WWOX: variants seen among roughly 807,000 people sequenced by gnomAD.
WWOX encodes WW domain containing oxidoreductase, also known as WW domain-containing oxidoreductase.
A neutral mutation model predicts 46.2 loss-of-function variants in WWOX; 69 were observed. That is an observed-to-expected ratio of 1.49 (90% CI 1.23 to 1.82). The LOEUF (loss-of-function observed/expected upper bound fraction) is 1.82. WWOX is among the 40% of genes most tolerant of loss of function. The probability of loss-of-function intolerance (pLI) is 0.00; values close to 1 mark genes in which losing one functional copy is unlikely to be tolerated. For synonymous variants in WWOX, 359 were observed against 202.6 expected, an observed-to-expected ratio of 1.77 and a Z score of -6.56; for missense variants, 919 against 542.6, an observed-to-expected ratio of 1.69 and a Z score of -6.89.
rs944358616 is a variant in WWOX, at chr16:78,498,698, T to G, written c.1056+65946T>G. Among the ~76,000 whole-genome samples, 33 of 152,226 alleles carry G rather than the reference T, an allele frequency of 2.2e-4. 1 individual carries two copies. On this transcript the variant is annotated intron_variant, in intron 8 of 8. Transcript: ENST00000566780. The stretch of plus-strand genomic sequence containing the variant: ...TTAGGCCGATTCCCCATTCTCTCTT[T>G]CTGTTTTTAAACAGAGACAGATCTT...
chr16:78,581,539 A>C (rs1238489296), intron 8 of WWOX, among the ~76,000 whole-genome samples: 1 of 152,170 alleles, frequency 6.6e-6, no homozygotes, highest in Non-Finnish European at 1.5e-5. Flanking sequence ...TTACACGTTA[A>C]TGGTAATGAT....
chr16:78,654,314 A>G (rs2047033116), intron 8 of WWOX, among the ~76,000 whole-genome samples: 1 of 152,232 alleles, frequency 6.6e-6, no homozygotes, highest in Admixed American at 6.5e-5. Flanking sequence ...CTTTGTAAAA[A>G]TATAAAATAA....
chr16:78,755,924 GAGA>G (rs771619636), intron 8 of WWOX, among the ~76,000 whole-genome samples: 1 of 152,132 alleles, frequency 6.6e-6, no homozygotes, highest in Middle Eastern at 3.2e-3. Flanking sequence ...ACGCTATGAT[GAGA>G]AGAACATATG....
chr16:79,061,094 A>G (rs2048349779), intron 8 of WWOX, among the ~76,000 whole-genome samples: 1 of 152,188 alleles, frequency 6.6e-6, no homozygotes, highest in Admixed American at 6.5e-5. Flanking sequence ...CTTGAACGCA[A>G]GAGAGGTACA....
intron 8 of WWOX, among the ~76,000 whole-genome samples, chr16:78,711,865 T>A (rs2048451251): frequency 6.6e-6 from 1 of 152,178 alleles, no homozygotes; most frequent in Non-Finnish European, 1.5e-5. Context: ...AAACACATCT[T>A]ACAAATTCCC....
intron 8 of WWOX, among the ~76,000 whole-genome samples, chr16:78,585,864 G>A (rs553020865): frequency 1.3e-5 from 2 of 151,774 alleles, no homozygotes; most frequent in South Asian, 2.1e-4. Flanking sequence ...ATCTTTTATT[G>A]TCTTGTTCTC....
At chr16:78,529,724 C>G (rs935222816) in intron 8 of WWOX, among the ~76,000 whole-genome samples, 1 of 152,114 alleles carries the variant, frequency 6.6e-6, no homozygotes, top group Non-Finnish European at 1.5e-5. Flanking sequence ...ACCTCGGCCT[C>G]CCAAAGTGCT....
At chr16:78,584,634 A>T (rs570924675) in intron 8 of WWOX, among the ~76,000 whole-genome samples, 1 of 152,320 alleles carries the variant, frequency 6.6e-6, no homozygotes, top group East Asian at 1.9e-4. Flanking sequence ...CAGAGGACAT[A>T]TTCTGTTCTA....
At chr16:78,741,790 G>C (rs781008090) in intron 8 of WWOX, among the ~76,000 whole-genome samples, 5 of 152,202 alleles carry the variant, frequency 3.3e-5, no homozygotes, top group Non-Finnish European at 7.3e-5. Context: ...AGGAGACGGA[G>C]GTTGCAGTGA....
chr16:78,404,686 C>A (rs575112856), intron 6 of WWOX, among the ~76,000 whole-genome samples: 2 of 152,250 alleles, frequency 1.3e-5, no homozygotes, highest in African/African-American at 4.8e-5. Context: ...TACGTCTTTT[C>A]CATCCAAGGG....
intron 5 of WWOX, among the ~76,000 whole-genome samples, chr16:78,170,939 G>A (rs1458217576): frequency 6.6e-6 from 1 of 152,260 alleles, no homozygotes; most frequent in Non-Finnish European, 1.5e-5. Flanking sequence ...GTTTGCTGCT[G>A]AAGTGCTGTA....
At chr16:78,487,429 AGG>A (rs1453587784) in intron 8 of WWOX, among the ~76,000 whole-genome samples, 2 of 152,204 alleles carry the variant, frequency 1.3e-5, no homozygotes, top group African/African-American at 4.8e-5. Context: ...ACAAGTTTGA[AGG>A]GAGTCTCTTA....
At chr16:78,527,632 A>T (rs891689237) in intron 8 of WWOX, among the ~76,000 whole-genome samples, 3 of 152,120 alleles carry the variant, frequency 2.0e-5, no homozygotes, top group Non-Finnish European at 4.4e-5. Flanking sequence ...ACATTTAACC[A>T]TGTATGTGTC....
chr16:78,102,456 T>C, intron 1 of WWOX, among the ~76,000 whole-genome samples: 1 of 152,252 alleles, frequency 6.6e-6, no homozygotes, highest in African/African-American at 2.4e-5. Context: ...TTGTGAATTC[T>C]GGAAGAATTT....
intron 8 of WWOX, among the ~76,000 whole-genome samples, chr16:78,820,093 G>C (rs559994919): frequency 6.6e-6 from 1 of 152,038 alleles, no homozygotes. Context: ...TTTGATAACC[G>C]TGAGCACCTG....
intron 8 of WWOX, chr16:78,506,693 G>GTGT (rs1567611911): frequency 7.9e-6 from 1 of 126,738 alleles, no homozygotes; most frequent in Non-Finnish European, 1.6e-5. Flanking sequence ...ACCTTTTTGT[G>GTGT]TGTTTTTTTT....
intron 8 of WWOX, among the ~76,000 whole-genome samples, chr16:78,735,394 AACACACACAC>A (rs35975130): frequency 1.6e-4 from 20 of 121,390 alleles, no homozygotes; most frequent in Admixed American, 4.6e-4. Context: ...ACCACACACA[AACACACACAC>A]ACACACACAC....
chr16:78,468,696 C>T (rs921449052), intron 8 of WWOX, among the ~76,000 whole-genome samples: 1 of 152,124 alleles, frequency 6.6e-6, no homozygotes, highest in Non-Finnish European at 1.5e-5. Flanking sequence ...CCTGTTTGAG[C>T]CTCAGTTTTC....
At chr16:78,232,073 A>G (rs564756331) in intron 5 of WWOX, among the ~76,000 whole-genome samples, 1 of 152,298 alleles carries the variant, frequency 6.6e-6, no homozygotes, top group African/African-American at 2.4e-5. Context: ...CACAATTTAA[A>G]CAGAGAATAT....
Sources: allele counts gnomAD v4.1 joint callset (sites outside exome capture counted in the v4.1 genomes callset), GRCh38; gene constraint gnomAD v4.1.1; transcripts MANE v1.5; gene names NCBI Gene and HGNC (gene_info 2026-07-23, HGNC 2026-07-21).